The following FBXL17 variants were observed in gnomAD, a reference collection of about 807,000 sequenced individuals.
FBXL17 encodes the protein F-box and leucine rich repeat protein 17.
A neutral mutation model predicts 66.2 loss-of-function variants in FBXL17; 22 were observed. That is an observed-to-expected ratio of 0.33 (90% CI 0.24 to 0.47). The LOEUF (loss-of-function observed/expected upper bound fraction) is 0.47, where lower values mean the gene tolerates loss of function less well. FBXL17 is among the 20% of genes least tolerant of loss of function. FBXL17 has a pLI of 1.00. For synonymous variants in FBXL17, 474 were observed against 400.5 expected, an observed-to-expected ratio of 1.18 and a Z score of -2.19; for missense variants, 878 against 948.2, an observed-to-expected ratio of 0.93 and a Z score of 0.97.
rs3217379 is a variant in FBXL17 at position 107,861,446 on chromosome 5, A to AT, written c.*273dup. ...ATTTTTTGACTCTATATTAAAAATA[A>AT]TTTTTTTTTAAAGAGAAAGAAGCCT... On this transcript the variant is annotated 3_prime_UTR_variant, in exon 9 of 9. Coordinates refer to ENST00000542267, the MANE Select transcript of FBXL17 (RefSeq NM_001163315.3). 74 of 228,668 alleles carry AT rather than the reference A, an allele frequency of 3.2e-4. No individual in the cohort carries two copies. The highest frequency in any genetic ancestry group is 4.8e-4 in the Non-Finnish European group (58 of 119,808). The allele number at this position is 228,668 out of a possible 1,614,324, so 14.2% of individuals were successfully genotyped here. A position where few individuals can be genotyped will look rare whatever the true frequency, so the allele number is the denominator to read the frequency against.
intron 7 of FBXL17, among the ~76,000 whole-genome samples, chr5:107,990,840 A>T (rs1332152246): frequency 1.3e-5 from 2 of 152,122 alleles, no homozygotes; most frequent in East Asian, 3.9e-4. Context: ...CTTCTCAGAG[A>T]CTGACATCTT....
At chr5:108,333,568 C>T (rs1367581613) in intron 4 of FBXL17, among the ~76,000 whole-genome samples, 2 of 152,014 alleles carry the variant, frequency 1.3e-5, no homozygotes, top group African/African-American at 4.8e-5. Flanking sequence ...ACACTGAAAT[C>T]TAGTAGTGGT....
At chr5:107,961,283 G>C (rs779519535) in intron 7 of FBXL17, among the ~76,000 whole-genome samples, 27 of 150,860 alleles carry the variant, frequency 1.8e-4, no homozygotes, top group Non-Finnish European at 3.2e-4. Flanking sequence ...GGAGTGCACT[G>C]GTGCAATCTT....
At chr5:108,114,949 TATACAGA>T (rs1750184778) in intron 6 of FBXL17, among the ~76,000 whole-genome samples, 1 of 152,186 alleles carries the variant, frequency 6.6e-6, no homozygotes, top group Non-Finnish European at 1.5e-5. Context: ...TCTCTAATCC[TATACAGA>T]AATGTAGTCC....
chr5:107,937,336 A>T (rs2112583930), intron 7 of FBXL17, among the ~76,000 whole-genome samples: 1 of 152,254 alleles, frequency 6.6e-6, no homozygotes, highest in East Asian at 1.9e-4. Flanking sequence ...TGAGGGTGGA[A>T]TAAAGGACTC....
chr5:108,183,230 G>A (rs991696290), intron 6 of FBXL17, among the ~76,000 whole-genome samples: 4 of 151,874 alleles, frequency 2.6e-5, no homozygotes, highest in Admixed American at 2.0e-4. Context: ...TAGTAAAGAC[G>A]GGGTTTCACC....
chr5:107,904,172 T>C (rs971378174), intron 7 of FBXL17, among the ~76,000 whole-genome samples: 3 of 152,170 alleles, frequency 2.0e-5, no homozygotes, highest in African/African-American at 7.2e-5. Flanking sequence ...AACATGTCCA[T>C]TTATAAACTC....
chr5:108,380,587 C>T, intron 1 of FBXL17, 112 bp downstream of exon 1: 1 of 613,858 alleles, frequency 1.6e-6, no homozygotes, highest in Non-Finnish European at 2.4e-6. Context: ...CGTCCCTAGG[C>T]TGCCAGGGAA....
In FBXL17 at chr5:107,861,826, T is replaced by C. The variant is rs1378645939; in HGVS notation, c.2000A>G (p.Gln667Arg). 1 of 1,560,384 alleles carries C rather than the reference T, an allele frequency of 6.4e-7. No homozygotes were observed. Among genetic ancestry groups the C allele is most frequent in the Admixed American group, 1.8e-5 (1 of 54,956 alleles). ...NEVTVEQLVQ[Q>R]YPHITFSTVL... ...GGTGCTGAAGGTGATGTGGGGGTACTGCTGCACCAGCTGTTCCACCGTCAC... is the reference window on the plus strand; with the variant it reads ...GGTGCTGAAGGTGATGTGGGGGTACCGCTGCACCAGCTGTTCCACCGTCAC... The change falls in exon 9 of 9, where the codon CAG (glutamine) becomes CGG (arginine). Residue 667 changes from glutamine to arginine, a missense_variant. Transcript: ENST00000542267.
intron 7 of FBXL17, among the ~76,000 whole-genome samples, chr5:107,881,408 C>T (rs767624743): frequency 1.3e-5 from 2 of 152,148 alleles, no homozygotes; most frequent in Non-Finnish European, 2.9e-5. Context: ...TTGAACACAA[C>T]CTTTTATCAG....
chr5:107,989,864 T>C (rs778244582), intron 7 of FBXL17, among the ~76,000 whole-genome samples: 2 of 152,116 alleles, frequency 1.3e-5, no homozygotes, highest in African/African-American at 4.8e-5. Flanking sequence ...AAATATAAAA[T>C]TGGTTAATTT....
At chr5:107,951,284 T>C (rs1751490995) in intron 7 of FBXL17, among the ~76,000 whole-genome samples, 1 of 152,262 alleles carries the variant, frequency 6.6e-6, no homozygotes, top group Non-Finnish European at 1.5e-5. Context: ...TATTTTCTGC[T>C]GAGAGAATAT....
chr5:108,292,384 G>A (rs927278515), intron 4 of FBXL17, among the ~76,000 whole-genome samples: 13 of 152,030 alleles, frequency 8.6e-5, no homozygotes, highest in Non-Finnish European at 1.8e-4. Context: ...GTGTCCCAAA[G>A]TGCTAGGATT....
chr5:107,866,985 A>C (rs1748293355), intron 8 of FBXL17, among the ~76,000 whole-genome samples: 1 of 152,184 alleles, frequency 6.6e-6, no homozygotes, highest in African/African-American at 2.4e-5. Flanking sequence ...TATATACTCA[A>C]TAAATATGTG....
intron 6 of FBXL17, among the ~76,000 whole-genome samples, chr5:108,156,685 A>C (rs1752010002): frequency 6.6e-6 from 1 of 151,956 alleles, no homozygotes; most frequent in Non-Finnish European, 1.5e-5. Context: ...TTATTTCATA[A>C]AAGCAAGTTT....
At chr5:108,263,496 T>C (rs1000385248) in intron 4 of FBXL17, among the ~76,000 whole-genome samples, 3 of 152,186 alleles carry the variant, frequency 2.0e-5, no homozygotes, top group South Asian at 2.1e-4. Flanking sequence ...AATAATTACA[T>C]GTTTACATTC....
At chr5:107,994,139 A>G (rs558768674) in intron 7 of FBXL17, among the ~76,000 whole-genome samples, 55 of 152,310 alleles carry the variant, frequency 3.6e-4, no homozygotes, top group African/African-American at 1.1e-3. Flanking sequence ...ATATTGATTC[A>G]TAAAGCCAGA....
chr5:108,374,883 C>A (rs1749312517), intron 1 of FBXL17, among the ~76,000 whole-genome samples: 1 of 151,946 alleles, frequency 6.6e-6, no homozygotes, highest in Non-Finnish European at 1.5e-5. Context: ...AAACAAGTAA[C>A]TACATTTAAA....
intron 8 of FBXL17, among the ~76,000 whole-genome samples, chr5:107,870,056 T>C (rs1288345147): frequency 6.6e-6 from 1 of 152,164 alleles, no homozygotes; most frequent in African/African-American, 2.4e-5. Flanking sequence ...GCCCAGGCCA[T>C]ATCCTAGAGC....
Sources: allele counts gnomAD v4.1 joint callset (sites outside exome capture counted in the v4.1 genomes callset), GRCh38; gene constraint gnomAD v4.1.1; transcripts MANE v1.5; gene names NCBI Gene and HGNC (gene_info 2026-07-23, HGNC 2026-07-21).